PAX5: variants seen among roughly 807,000 people sequenced by gnomAD.
PAX5 encodes the protein paired box protein Pax-5.
A neutral mutation model predicts 43.7 loss-of-function variants in PAX5; 9 were observed. That is an observed-to-expected ratio of 0.21 (90% confidence interval 0.12 to 0.36). PAX5 has a LOEUF of 0.36. PAX5 is among the 10% of genes least tolerant of loss of function. The pLI is 1.00. For missense variants in PAX5, 383 were observed against 532.7 expected, an observed-to-expected ratio of 0.72 and a Z score of 2.77; for synonymous variants, 228 against 214.3, an observed-to-expected ratio of 1.06 and a Z score of -0.56.
chr9:37,017,906 C>G (rs1839526867), intron 2 of PAX5, among the ~76,000 whole-genome samples: 1 of 152,238 alleles, frequency 6.6e-6, no homozygotes, highest in Non-Finnish European at 1.5e-5. Flanking sequence ...TAATAACTAT[C>G]CTTTCATCTC....
rs1821940357 is a variant in PAX5, at chr9:36,840,424, G to A, written c.*136C>T. The A allele has an allele frequency of 4.8e-6, 4 of 832,992 alleles. No homozygotes were observed. Among genetic ancestry groups the A allele is most frequent in the African/African-American group, 3.3e-5 (2 of 60,062 alleles). The allele number at this position is 832,992 out of a possible 1,614,324, so 51.6% of individuals were successfully genotyped here. On this transcript the variant is annotated 3_prime_UTR_variant, in exon 10 of 10. Coordinates refer to ENST00000358127, the MANE Select transcript of PAX5 (RefSeq NM_016734.3). ...GCCCCAGAGTCCCTGGAGGAAGAGA[G>A]GAAGAGGGGAGCTTCAGGCAAGTGG... is the stretch of plus-strand genomic sequence containing the variant.
chr9:37,024,671 A>T (rs1468612907), intron 1 of PAX5, among the ~76,000 whole-genome samples: 1 of 152,144 alleles, frequency 6.6e-6, no homozygotes, highest in Non-Finnish European at 1.5e-5. Context: ...GGAGATTGAA[A>T]ATGGGAGGGA....
intron 7 of PAX5, among the ~76,000 whole-genome samples, chr9:36,910,207 C>A (rs1453836325): frequency 1.3e-5 from 2 of 152,250 alleles, no homozygotes. Context: ...TCTGCCTAAA[C>A]ATGGTTAAGT....
At chr9:37,012,838 AAAC>A (rs1329572254) in intron 3 of PAX5, among the ~76,000 whole-genome samples, 2 of 152,378 alleles carry the variant, frequency 1.3e-5, no homozygotes, top group East Asian at 3.9e-4. Flanking sequence ...ATGTATTAGA[AAAC>A]AATGTGCACC....
At position 36,850,755 on chromosome 9, in the gene PAX5, G is replaced by A. The variant is rs142214777; in HGVS notation, c.1013-3826C>T. Among the ~76,000 whole-genome samples, 557 of 152,330 alleles carry A rather than the reference G, an allele frequency of 3.7e-3. 4 individuals are homozygous for A. Among genetic ancestry groups the A allele is most frequent in the African/African-American group, 0.012 (491 of 41,566 alleles). On this transcript the variant is annotated intron_variant, in intron 8 of 9. Transcript: ENST00000358127. ...CGCCTCTGGGAGACACACAGCACATGGCCATTCTCAGAGGTGGTTCCTGGC... is the reference window on the plus strand; with the variant it reads ...CGCCTCTGGGAGACACACAGCACATAGCCATTCTCAGAGGTGGTTCCTGGC...
intron 5 of PAX5, among the ~76,000 whole-genome samples, chr9:36,981,434 C>CATAAAA (rs1835927188): frequency 1.0e-5 from 1 of 97,104 alleles, no homozygotes; most frequent in Non-Finnish European, 2.0e-5. Flanking sequence ...CTGAAACTGG[C>CATAAAA]AAAAAAAAAA....
intron 3 of PAX5, among the ~76,000 whole-genome samples, chr9:37,011,942 C>T (rs1838967417): frequency 6.6e-6 from 1 of 152,152 alleles, no homozygotes; most frequent in Non-Finnish European, 1.5e-5. Context: ...CTGCATTCAT[C>T]TGAATGCAGT....
intron 5 of PAX5, among the ~76,000 whole-genome samples, chr9:36,991,951 C>T (rs1836981555): frequency 6.6e-6 from 1 of 152,222 alleles, no homozygotes; most frequent in Non-Finnish European, 1.5e-5. Context: ...CAATTTTTCT[C>T]AAATTACCTT....
chr9:37,002,683 G>A lies in PAX5; in HGVS notation c.569C>T (p.Pro190Leu). ...SISGILGITS[P>L]SADTNKRKRD... ...CTTGCGCTTGTTGGTGTCGGCGCTGGGGGACGTGATGCCCAGGATGCCGCT... is the reference window on the plus strand; with the variant it reads ...CTTGCGCTTGTTGGTGTCGGCGCTGAGGGACGTGATGCCCAGGATGCCGCT... Residue 190 changes from proline to leucine, a missense_variant, in exon 5 of 10, where the codon CCC becomes CTC. Pro to Leu is a moderately conservative substitution (Grantham distance 98). Transcript: ENST00000358127. 6.2e-7 allele frequency: 1 copy of A among 1,611,644 alleles called. No homozygotes were observed. The highest frequency in any genetic ancestry group is 1.7e-5 in the Admixed American group (1 of 59,756).
chr9:36,898,669 A>T (rs1828090955), intron 7 of PAX5, among the ~76,000 whole-genome samples: 1 of 152,140 alleles, frequency 6.6e-6, no homozygotes. Context: ...GCGAGATGGG[A>T]TCTCATGTGG....
chr9:36,972,842 A>C (rs1835031922), intron 5 of PAX5, among the ~76,000 whole-genome samples: 2 of 152,102 alleles, frequency 1.3e-5, no homozygotes. Flanking sequence ...AGCCTGGCCA[A>C]CATGGTGAAA....
At chr9:36,988,047 C>G (rs1836595565) in intron 5 of PAX5, among the ~76,000 whole-genome samples, 1 of 151,710 alleles carries the variant, frequency 6.6e-6, no homozygotes, top group African/African-American at 2.4e-5. Context: ...GGAGGGGGAG[C>G]GGCGGGGAGC....
intron 8 of PAX5, among the ~76,000 whole-genome samples, chr9:36,851,624 A>T (rs1376885771): frequency 6.6e-6 from 1 of 152,184 alleles, no homozygotes; most frequent in Non-Finnish European, 1.5e-5. Context: ...GGTTTGAATC[A>T]ATTTTACCTT....
At chr9:36,986,427 T>G (rs1836425563) in intron 5 of PAX5, among the ~76,000 whole-genome samples, 2 of 151,752 alleles carry the variant, frequency 1.3e-5, no homozygotes, top group South Asian at 4.2e-4. Context: ...TGACTTAGAC[T>G]GATTGGCTTC....
intron 7 of PAX5, among the ~76,000 whole-genome samples, chr9:36,909,586 A>G (rs1829086793): frequency 6.6e-6 from 1 of 152,170 alleles, no homozygotes; most frequent in South Asian, 2.1e-4. Flanking sequence ...GGACACAGGA[A>G]GGATGGGGTG....
At chr9:36,934,830 CCT>C (rs1471286282) in intron 6 of PAX5, among the ~76,000 whole-genome samples, 1 of 152,182 alleles carries the variant, frequency 6.6e-6, no homozygotes, top group Non-Finnish European at 1.5e-5. Flanking sequence ...ACAGTGTCTC[CCT>C]CATCTTTGTG....
intron 5 of PAX5, among the ~76,000 whole-genome samples, chr9:36,979,957 A>T (rs2132269566): frequency 6.6e-6 from 1 of 152,246 alleles, no homozygotes. Context: ...CCTAACAGAG[A>T]CTTGAACTTG....
chr9:36,907,921 T>A (rs2131887965), intron 7 of PAX5, among the ~76,000 whole-genome samples: 1 of 152,318 alleles, frequency 6.6e-6, no homozygotes, highest in African/African-American at 2.4e-5. Context: ...ACAGTGAACA[T>A]GTATTACTTT....
At chr9:36,868,982 G>T (rs1825168154) in intron 8 of PAX5, among the ~76,000 whole-genome samples, 1 of 152,224 alleles carries the variant, frequency 6.6e-6, no homozygotes, top group South Asian at 2.1e-4. Context: ...GAGCTTACGG[G>T]CATGGGTGGT....
Sources: gnomAD v4.1 joint callset for allele counts (sites outside exome capture counted in the v4.1 genomes callset) on GRCh38, gnomAD v4.1.1 for gene constraint, MANE v1.5 for transcripts, NCBI Gene and HGNC (gene_info 2026-07-23, HGNC 2026-07-21) for gene names.